PRRC2C: variants seen among roughly 807,000 people sequenced by gnomAD.
The protein encoded by PRRC2C is protein PRRC2C.
A neutral mutation model predicts 317.2 loss-of-function variants in PRRC2C; 72 were observed. The ratio of observed to expected loss-of-function variants is 0.23; its 90% CI spans 0.19 to 0.28. PRRC2C has a LOEUF of 0.28. Among genes scored for constraint, PRRC2C ranks in the 10% least tolerant of loss-of-function variants. PRRC2C has a pLI of 1.00. For missense variants in PRRC2C, 3,074 were observed against 3,459.7 expected (o/e 0.89, Z 2.80); for synonymous variants, 1,296 against 1,205.9 (o/e 1.07, Z -1.55).
chr1:171,586,223 T>C (rs1649926032), intron 30 of PRRC2C, among the ~76,000 whole-genome samples: 3 of 150,854 alleles, frequency 2.0e-5, no homozygotes, highest in Admixed American at 2.0e-4. Flanking sequence ...CCACCATGCC[T>C]GGCTAATTTT....
At chr1:171,508,775 A>G (rs1346944641) in intron 1 of PRRC2C, among the ~76,000 whole-genome samples, 1 of 152,228 alleles carries the variant, frequency 6.6e-6, no homozygotes, top group Non-Finnish European at 1.5e-5. Context: ...TGTCTGTTCA[A>G]AGCTTTACTC....
At position 171,561,120 on chromosome 1, in the gene PRRC2C, A is replaced by T; in HGVS notation, c.6117+17A>T. 6.4e-7 allele frequency: 1 copy of T among 1,552,300 alleles called. No homozygotes were observed. The highest frequency in any genetic ancestry group is 8.9e-7 in the Non-Finnish European group (1 of 1,124,114). The stretch of plus-strand genomic sequence containing the variant: ...TCATCAGAGGTAAGAATAGGCTTTT[A>T]ACAGCATAGGTGTGCTGGATTTTCC... On this transcript the variant is annotated intron_variant, in intron 20 of 34. Coordinates refer to ENST00000647382, the MANE Select transcript of PRRC2C (RefSeq NM_001387844.1).
intron 34 of PRRC2C, chr1:171,591,282 A>G (rs1651351617): frequency 5.2e-6 from 5 of 967,544 alleles, no homozygotes; most frequent in Non-Finnish European, 6.4e-6. Context: ...TAAGTGTTAC[A>G]TGTATGTTTT....
Position 171,540,214 on chromosome 1 carries a change from T to G in PRRC2C, c.2748T>G (p.Ala916=), listed in dbSNP as rs781324458. Residue 916 remains alanine (A), a synonymous_variant, in exon 16 of 35, where the codon GCT becomes GCG. Coordinates refer to ENST00000647382, the MANE Select transcript of PRRC2C (RefSeq NM_001387844.1). ...LSAPQEERIS[A]VESQPSRKRS... ...CTCCTCAAGAGGAGCGGATTTCAGC[T>G]GTAGAAAGTCAGCCTTCCCGGAAAA... 71 of 1,613,804 alleles carry G rather than the reference T, an allele frequency of 4.4e-5. No individual in the cohort carries two copies. Among genetic ancestry groups the G allele is most frequent in the Middle Eastern group, 1.6e-4 (1 of 6,084 alleles).
At position 171,557,632 on chromosome 1, in the gene PRRC2C, A is replaced by G. The variant is rs1379716289; in HGVS notation, c.5520A>G (p.Pro1840=). ...CTTCTTCAGCTCCAGCCTCAGCCCC[A>G]GCTCCAACCCCCATCCTTGCCTCAG... ...ITSSSAPASA[P]APTPILASVS... The change falls in exon 19 of 35, where the codon CCA becomes CCG. Residue 1840 remains proline (P), a synonymous_variant. Transcript: ENST00000647382. The G allele has an allele frequency of 9.0e-6, 14 of 1,551,232 alleles. No individual in the cohort carries two copies. Among genetic ancestry groups the G allele is most frequent in the Non-Finnish European group, 1.1e-5 (13 of 1,146,912 alleles).
At chr1:171,492,950 C>T (rs574459447) in intron 1 of PRRC2C, among the ~76,000 whole-genome samples, 2 of 151,960 alleles carry the variant, frequency 1.3e-5, no homozygotes, top group East Asian at 3.9e-4. Flanking sequence ...TGGGGTTTCA[C>T]CGTGTTGGCC....
chr1:171,556,121 C>T (rs235481), intron 18 of PRRC2C, among the ~76,000 whole-genome samples: 122,207 of 152,100 alleles, frequency 0.8, 49,221 homozygotes, highest in Middle Eastern at 0.9. Flanking sequence ...CTACTCAAGC[C>T]TCAGCAATGG....
rs1557838128 is a variant in PRRC2C, at chr1:171,485,589, T to TGGCGGTTTGTCCATCCGCAGCTTC, written c.-200_-177dup. The TGGCGGTTTGTCCATCCGCAGCTTC allele has an allele frequency of 1.3e-5, 2 of 152,698 alleles. No individual in the cohort carries two copies. The highest frequency in any genetic ancestry group is 2.9e-5 in the Non-Finnish European group (2 of 68,064). 9.5% of individuals were successfully genotyped at this position (152,698 alleles called of 1,614,324 possible). ...CCCTCGGAAAGCTGCGAAAGTGCTTTGGCGGTTTGTCCATCCGCAGCTTCG... is the reference window on the plus strand; with the variant it reads ...CCCTCGGAAAGCTGCGAAAGTGCTTTGGCGGTTTGTCCATCCGCAGCTTCGGCGGTTTGTCCATCCGCAGCTTCG... On this transcript the variant is annotated 5_prime_UTR_variant, in exon 1 of 35. Transcript: ENST00000647382.
Position 171,540,804 on chromosome 1 carries a change from G to A in PRRC2C, c.3338G>A (p.Ser1113Asn), listed in dbSNP as rs1308910400. 4 of 1,613,778 alleles carry A rather than the reference G, an allele frequency of 2.5e-6. No homozygotes were observed. Among genetic ancestry groups the A allele is most frequent in the African/African-American group, 1.3e-5 (1 of 74,910 alleles). The change falls in exon 16 of 35, where the codon AGT becomes AAT. Residue 1113 changes from serine (S) to asparagine (N), a missense_variant. Transcript: ENST00000647382. ...QDTEKPLEPV[S>N]TVQVEPAVKT... ...ACTGAGAAGCCTCTGGAACCTGTGA[G>A]TACTGTTCAGGTAGAGCCTGCAGTT... is the stretch of plus-strand genomic sequence containing the variant.
intron 18 of PRRC2C, 74 bp downstream of exon 18, chr1:171,550,314 T>C (rs1315659496): frequency 9.9e-6 from 13 of 1,318,594 alleles, no homozygotes; most frequent in Non-Finnish European, 1.3e-5. Context: ...ATGTTCAAGG[T>C]TTTTATACTT....
At chr1:171,499,858 G>C (rs80006394) in intron 1 of PRRC2C, among the ~76,000 whole-genome samples, 6,175 of 152,192 alleles carry the variant, frequency 0.041, 155 homozygotes, top group Middle Eastern at 0.095. Context: ...AAGTAACGAG[G>C]CTGAAAGCTG....
chr1:171,540,899 A>T lies in PRRC2C; in HGVS notation c.3433A>T (p.Ser1145Cys). The T allele has an allele frequency of 6.2e-7, 1 of 1,613,796 alleles. No homozygotes were observed. The highest frequency in any genetic ancestry group is 8.5e-7 in the Non-Finnish European group (1 of 1,179,816). The change falls in exon 16 of 35, where the codon AGC (serine) becomes TGC (cysteine). Residue 1145 changes from serine to cysteine, a missense_variant. Coordinates refer to ENST00000647382, the MANE Select transcript of PRRC2C (RefSeq NM_001387844.1). ...KEEKQPEKVI[S>C]KDLVIERPRP... ...AGAAAAACAACCTGAGAAAGTCATC[A>T]GCAAAGACCTTGTTATAGAGAGGCC...
rs374100810 is a variant in PRRC2C, at chr1:171,524,904, A to G, written c.1139A>G (p.Gln380Arg). The part of the protein sequence containing the change: ...DEVSNTKSSS[Q>R]IPAQPSVAKV... ...GTTTCCAACACTAAATCATCTTCCC[A>G]AATACCTGCCCAACCATCAGTAGCA... The change falls in exon 10 of 35, where the codon CAA (glutamine) becomes CGA (arginine). Residue 380 changes from glutamine to arginine, a missense_variant. By Grantham distance (43) the Gln-to-Arg change is conservative (BLOSUM62 1). Around this residue, in one of 11 missense-constraint regions of PRRC2C, gnomAD observed 1,320 missense variants for 1,395.7 expected, o/e 0.95. Transcript: ENST00000647382. 2.7e-5 allele frequency: 43 copies of G among 1,611,638 alleles called. No individual in the cohort carries two copies. Among genetic ancestry groups the G allele is most frequent in the Non-Finnish European group, 3.6e-5 (43 of 1,178,622 alleles).
At chr1:171,530,849 T>C (rs1407984173) in intron 11 of PRRC2C, among the ~76,000 whole-genome samples, 1 of 152,206 alleles carries the variant, frequency 6.6e-6, no homozygotes, top group Non-Finnish European at 1.5e-5. Context: ...TTCTTGTAAA[T>C]GAAATATCTA....
At chr1:171,518,061 G>C (rs1023510837) in intron 6 of PRRC2C, among the ~76,000 whole-genome samples, 1 of 152,188 alleles carries the variant, frequency 6.6e-6, no homozygotes, top group African/African-American at 2.4e-5. Context: ...GAAACACCTA[G>C]CTGTTTTATT....
chr1:171,548,035 G>A (rs1442981738), intron 17 of PRRC2C, among the ~76,000 whole-genome samples: 1 of 151,132 alleles, frequency 6.6e-6, no homozygotes, highest in Non-Finnish European at 1.5e-5. Flanking sequence ...GCGTGATCTC[G>A]GCTCACTGCA....
At position 171,540,585 on chromosome 1, in the gene PRRC2C, A is replaced by G; in HGVS notation, c.3119A>G (p.Lys1040Arg). The G allele has an allele frequency of 6.2e-7, 1 of 1,613,932 alleles. No homozygotes were observed. The highest frequency in any genetic ancestry group is 8.5e-7 in the Non-Finnish European group (1 of 1,179,882). ...CAGAGGAAGGAGAAAGAAGGAGAAA[A>G]GGCCGAAAAGGTCACTGAAAAAGTA... The part of the protein sequence containing the change: ...REQRKEKEGE[K>R]AEKVTEKVVV... The change falls in exon 16 of 35, where the codon AAG becomes AGG. Residue 1040 changes from lysine to arginine, a missense_variant. Transcript: ENST00000647382.
chr1:171,497,016 C>A (rs773000845), intron 1 of PRRC2C, among the ~76,000 whole-genome samples: 1 of 152,084 alleles, frequency 6.6e-6, no homozygotes, highest in Non-Finnish European at 1.5e-5. Context: ...GTCTCAAACT[C>A]CATTGCTCAA....
chr1:171,583,997 C>T lies in PRRC2C; in HGVS notation c.7451C>T (p.Ser2484Phe), dbSNP rs1303337267. The change falls in exon 29 of 35, where the codon TCT (serine) becomes TTT (phenylalanine). Residue 2484 changes from serine (S) to phenylalanine (F), a missense_variant. Physicochemically the swap from Ser to Phe is radical, Grantham distance 155 (BLOSUM62 -2). This residue lies in a region of PRRC2C where 490 missense variants were observed against 663.1 expected (regional missense o/e 0.74). Transcript: ENST00000647382. ...ATGCAAAGCAGTTTATCCCAGCCAT[C>T]TGTGGTCCTTTCTGGTACTGCTATT... Reference protein sequence around the residue: ...AFMQSSLSQPSVVLSGTAIHN... With the variant: ...AFMQSSLSQPFVVLSGTAIHN... 6.2e-7 allele frequency: 1 copy of T among 1,613,896 alleles called. No homozygotes were observed. The highest frequency in any genetic ancestry group is 1.7e-5 in the Admixed American group (1 of 60,012).
Sources: gnomAD v4.1 joint callset for allele counts (sites outside exome capture counted in the v4.1 genomes callset) on GRCh38, gnomAD v4.1.1 for gene constraint, gnomAD v4.1.1 regional missense constraint, MANE v1.5 for transcripts, NCBI Gene and HGNC (gene_info 2026-07-23, HGNC 2026-07-21) for gene names.